MICU3: variants seen among roughly 807,000 people sequenced by gnomAD.
MICU3 encodes mitochondrial calcium uptake 3, also known as calcium uptake protein 3, mitochondrial.
A neutral mutation model predicts 66.5 loss-of-function variants in MICU3; 62 were observed. The ratio of observed to expected loss-of-function variants is 0.93; its 90% CI spans 0.76 to 1.15. MICU3 has a LOEUF of 1.15. MICU3 is among the 50% of genes most tolerant of loss of function. The pLI is 0.00. For missense variants in MICU3, 779 were observed against 664.4 expected, an observed-to-expected ratio of 1.17 and a Z score of -1.90; for synonymous variants, 308 against 240.7, an observed-to-expected ratio of 1.28 and a Z score of -2.59.
intron 2 of MICU3, 44 bp downstream of exon 2, chr8:17,064,281 T>C (rs1357568449): frequency 1.3e-6 from 2 of 1,507,140 alleles, no homozygotes; most frequent in Non-Finnish European, 1.8e-6. Flanking sequence ...TATAATTTTT[T>C]TATCTCTAGC....
In MICU3 at chr8:17,032,431, T is replaced by G. The variant is rs76371601; in HGVS notation, c.381+4771T>G. 0.02 allele frequency among the ~76,000 whole-genome samples: 3,096 copies of G among 152,316 alleles called. 164 individuals carry two copies. In the East Asian group the frequency reaches 0.22, roughly 11 times the overall value. ...GATTGCTTAACATACTTCAGTGTTT[T>G]ACTTAATTGTACAGAAGACATGATC... is the stretch of plus-strand genomic sequence containing the variant. On this transcript the variant is annotated intron_variant, in intron 1 of 14. Coordinates refer to ENST00000318063, the MANE Select transcript of MICU3 (RefSeq NM_181723.3).
chr8:17,115,068 G>A (rs1488542074), intron 12 of MICU3, among the ~76,000 whole-genome samples: 4 of 148,458 alleles, frequency 2.7e-5, no homozygotes, highest in South Asian at 4.3e-4. Context: ...GCAGTGAGCC[G>A]AGATCCCGCC....
chr8:17,108,896 T>TC (rs1801969021), intron 11 of MICU3, among the ~76,000 whole-genome samples: 1 of 152,148 alleles, frequency 6.6e-6, no homozygotes, highest in Non-Finnish European at 1.5e-5. Context: ...ATTCTGATCC[T>TC]CCTAGCTCAC....
chr8:17,066,138 T>G (rs972388973), intron 2 of MICU3, among the ~76,000 whole-genome samples: 1 of 152,072 alleles, frequency 6.6e-6, no homozygotes, highest in Non-Finnish European at 1.5e-5. Context: ...TTAATCCATT[T>G]GGTACAATGT....
chr8:17,126,530 A>G (rs1803409177), downstream of MICU3, among the ~76,000 whole-genome samples: 1 of 152,228 alleles, frequency 6.6e-6, no homozygotes, highest in African/African-American at 2.4e-5. Flanking sequence ...CAAGGAACTT[A>G]AGGATGGTTA....
intron 12 of MICU3, 81 bp downstream of exon 12, chr8:17,114,282 T>C (rs548219698): frequency 4.5e-5 from 37 of 827,500 alleles, no homozygotes; most frequent in Non-Finnish European, 5.9e-6. Flanking sequence ...ATTAATTAAA[T>C]ATGACATATC....
chr8:17,098,321 A>G, intron 8 of MICU3, 137 bp from the exon 9 acceptor site: 2 of 720,830 alleles, frequency 2.8e-6, no homozygotes, highest in South Asian at 3.0e-5. Flanking sequence ...GGTGCACAGC[A>G]GAAAACAAAA....
In MICU3 at chr8:17,114,133, TA is replaced by T; in HGVS notation, c.1301del (p.Asn434ThrfsTer3). Reference sequence around the variant, plus strand: ...GAATTCAGGTCATTTTTCCAGTTTTTAAACAACCTAGAAGACTTTGCAATAG... The same window carrying T: ...GAATTCAGGTCATTTTTCCAGTTTTTAACAACCTAGAAGACTTTGCAATAG... ...FDEFRSFFQF[L>X]NNLEDFAIAL... On this transcript the variant is annotated frameshift_variant, in exon 12 of 15. Transcript: ENST00000318063. LOFTEE classifies it high-confidence loss of function. 2 of 1,612,782 alleles carry T rather than the reference TA, an allele frequency of 1.2e-6. No individual in the cohort carries two copies. Among genetic ancestry groups the T allele is most frequent in the Non-Finnish European group, 1.7e-6 (2 of 1,179,350 alleles).
intron 14 of MICU3, 90 bp from the exon 15 acceptor site, chr8:17,120,198 T>C (rs550789620): frequency 4.1e-4 from 55 of 133,980 alleles, no homozygotes; most frequent in African/African-American, 1.6e-3. Context: ...TTCCTTACGT[T>C]TCATATTATT....
At chr8:17,076,822 C>G (rs1820452344) in intron 3 of MICU3, among the ~76,000 whole-genome samples, 1 of 152,168 alleles carries the variant, frequency 6.6e-6, no homozygotes, top group African/African-American at 2.4e-5. Flanking sequence ...CACAAGCTCT[C>G]AGGTGATGCT....
chr8:17,086,995 A>C lies in MICU3; in HGVS notation c.809A>C (p.Lys270Thr). ...LQEIFRKKNE[K>T]REIKGDEEKR... ...GAGATATTCAGGAAAAAAAATGAAA[A>C]GAGAGAAATTAAAGGAGATGAAGAA... The change falls in exon 7 of 15, where the codon AAG becomes ACG. Residue 270 changes from lysine to threonine, a missense_variant. By Grantham distance (78) the Lys-to-Thr change is moderately conservative. Transcript: ENST00000318063. The C allele has an allele frequency of 6.2e-7, 1 of 1,606,812 alleles. No individual in the cohort carries two copies. Among genetic ancestry groups the C allele is most frequent in the Non-Finnish European group, 8.5e-7 (1 of 1,174,384 alleles).
At position 17,039,497 on chromosome 8, in the gene MICU3, C is replaced by T. The variant is rs140799705; in HGVS notation, c.381+11837C>T. 5.1e-3 allele frequency among the ~76,000 whole-genome samples: 780 copies of T among 152,250 alleles called. 8 individuals carry two copies. The highest frequency in any genetic ancestry group is 0.018 in the African/African-American group (741 of 41,546). On this transcript the variant is annotated intron_variant, in intron 1 of 14. Transcript: ENST00000318063. ...GAGAGTCTGGATGCCTTATAATGGC[C>T]TGACCATCTAATAGAGTCACATACA...
chr8:17,130,727 G>A, the MICU3 span, among the ~76,000 whole-genome samples: 1 of 152,158 alleles, frequency 6.6e-6, no homozygotes, highest in Non-Finnish European at 1.5e-5. Context: ...GAGTTAAAAT[G>A]CAGTAATTTT....
At chr8:17,091,583 C>T (rs75072547) in intron 8 of MICU3, among the ~76,000 whole-genome samples, 10,772 of 152,042 alleles carry the variant, frequency 0.071, 572 homozygotes, top group East Asian at 0.25. Context: ...TCCCTGTAAA[C>T]TAAACCTAAG....
At chr8:17,086,098 C>T (rs1585414753) in intron 6 of MICU3, among the ~76,000 whole-genome samples, 1 of 152,066 alleles carries the variant, frequency 6.6e-6, no homozygotes, top group Non-Finnish European at 1.5e-5. Context: ...GGGAAATCAA[C>T]AGCCATTTTC....
At chr8:17,066,310 T>C (rs1210367830) in intron 2 of MICU3, among the ~76,000 whole-genome samples, 2 of 151,606 alleles carry the variant, frequency 1.3e-5, no homozygotes, top group Admixed American at 6.6e-5. Flanking sequence ...ACAAAGTCTG[T>C]GCACTCAGGA....
chr8:17,076,893 G>T (rs1192435871), intron 3 of MICU3, among the ~76,000 whole-genome samples: 1 of 152,138 alleles, frequency 6.6e-6, no homozygotes, highest in Non-Finnish European at 1.5e-5. Flanking sequence ...ATAGAAGTGG[G>T]TTCTGTGTTT....
chr8:17,113,737 T>G (rs1027449086), intron 11 of MICU3, among the ~76,000 whole-genome samples: 2 of 151,900 alleles, frequency 1.3e-5, no homozygotes, highest in African/African-American at 4.9e-5. Context: ...TTTTCTTTAT[T>G]ATCATATTTA....
intron 1 of MICU3, among the ~76,000 whole-genome samples, chr8:17,032,204 C>T (rs1288264483): frequency 6.6e-6 from 1 of 152,174 alleles, no homozygotes; most frequent in African/African-American, 2.4e-5. Flanking sequence ...GATCACGTGG[C>T]ACTGTATTTA....
Sources: allele counts gnomAD v4.1 joint callset (sites outside exome capture counted in the v4.1 genomes callset), GRCh38; gene constraint gnomAD v4.1.1; transcripts MANE v1.5; gene names NCBI Gene and HGNC (gene_info 2026-07-23, HGNC 2026-07-21).